The following CHCHD6 variants were observed in gnomAD, a reference collection of about 807,000 sequenced individuals.
CHCHD6 encodes the protein coiled-coil-helix-coiled-coil-helix domain containing 6.
CHCHD6 carries 28 observed loss-of-function variants against 32.3 expected under a neutral mutation model. The ratio of observed to expected loss-of-function variants is 0.87; its 90% confidence interval spans 0.64 to 1.19. CHCHD6 has a LOEUF of 1.19. Ranked by LOEUF, CHCHD6 falls within the 50% of genes most tolerant of loss-of-function variation. The pLI, the probability that CHCHD6 is intolerant of heterozygous loss-of-function variation, is 0.00. For synonymous variants in CHCHD6, 122 were observed against 117.5 expected (o/e 1.04, Z -0.25); for missense variants, 333 against 307.0 (o/e 1.08, Z -0.63).
chr3:126,865,137 ACCACCAC>A (rs1942237038), intron 5 of CHCHD6, among the ~76,000 whole-genome samples: 10 of 53,770 alleles, frequency 1.9e-4, no homozygotes, highest in Non-Finnish European at 2.9e-4. Flanking sequence ...CTCCTCCTCC[ACCACCAC>A]CTCCTTTTCC....
chr3:126,940,118 A>G (rs2078538027), intron 6 of CHCHD6, among the ~76,000 whole-genome samples: 2 of 152,222 alleles, frequency 1.3e-5, no homozygotes, highest in Non-Finnish European at 2.9e-5. Flanking sequence ...CAAAAGGAAA[A>G]AGTTTCGTCT....
chr3:126,870,041 G>C (rs941458432), intron 5 of CHCHD6, among the ~76,000 whole-genome samples: 1 of 152,150 alleles, frequency 6.6e-6, no homozygotes, highest in African/African-American at 2.4e-5. Context: ...GAAAAGCATG[G>C]GCTTTGGGTT....
intron 6 of CHCHD6, among the ~76,000 whole-genome samples, chr3:126,950,691 T>C (rs1342874932): frequency 1.3e-5 from 2 of 152,102 alleles, no homozygotes; most frequent in Non-Finnish European, 2.9e-5. Context: ...CCTCAAGTGA[T>C]CGCCTGCATC....
intron 4 of CHCHD6, among the ~76,000 whole-genome samples, chr3:126,759,660 G>A (rs918247513): frequency 2.6e-5 from 4 of 152,156 alleles, no homozygotes; most frequent in South Asian, 2.1e-4. Flanking sequence ...AGGCGCTACC[G>A]GGTGATTTTT....
At chr3:126,889,012 G>A (rs905691854) in intron 5 of CHCHD6, among the ~76,000 whole-genome samples, 5 of 152,198 alleles carry the variant, frequency 3.3e-5, no homozygotes, top group East Asian at 1.9e-4. Flanking sequence ...TTGGTCCCTC[G>A]TGTGGTGCTA....
chr3:126,760,831 A>G (rs1937134167), intron 4 of CHCHD6, among the ~76,000 whole-genome samples: 1 of 152,082 alleles, frequency 6.6e-6, no homozygotes, highest in African/African-American at 2.4e-5. Flanking sequence ...CCTGCTTTCA[A>G]TTCTTTTTTT....
intron 4 of CHCHD6, among the ~76,000 whole-genome samples, chr3:126,736,891 T>C (rs945431826): frequency 6.6e-6 from 1 of 152,158 alleles, no homozygotes; most frequent in African/African-American, 2.4e-5. Context: ...GGTGGAGTCT[T>C]AAAAATCAAA....
chr3:126,953,031 A>G (rs2078737130), intron 6 of CHCHD6: 3 of 985,464 alleles, frequency 3.0e-6, no homozygotes, highest in African/African-American at 3.5e-5. Flanking sequence ...TCAGGGCCAC[A>G]CTGCGTTACT....
intron 1 of CHCHD6, among the ~76,000 whole-genome samples, chr3:126,708,693 A>G (rs1210132971): frequency 6.6e-6 from 1 of 151,680 alleles, no homozygotes; most frequent in Non-Finnish European, 1.5e-5. Flanking sequence ...ATCATTTTAC[A>G]TATTATAAAA....
intron 4 of CHCHD6, among the ~76,000 whole-genome samples, chr3:126,811,591 A>G (rs1263074761): frequency 6.6e-6 from 1 of 150,614 alleles, no homozygotes; most frequent in South Asian, 2.1e-4. Context: ...GCTGTTTTCT[A>G]TACTTTGAAT....
chr3:126,713,268 CT>C (rs1934846541), intron 1 of CHCHD6, among the ~76,000 whole-genome samples: 1 of 152,194 alleles, frequency 6.6e-6, no homozygotes, highest in Non-Finnish European at 1.5e-5. Flanking sequence ...GCTTGTCTCC[CT>C]TCCACTGTGT....
chr3:126,809,327 G>A (rs969961730), intron 4 of CHCHD6, among the ~76,000 whole-genome samples: 9 of 152,130 alleles, frequency 5.9e-5, no homozygotes, highest in African/African-American at 7.2e-5. Context: ...CCACTGCTTA[G>A]GTTGTGCTTG....
chr3:126,834,619 C>T (rs1342578969), intron 4 of CHCHD6, among the ~76,000 whole-genome samples: 2 of 152,112 alleles, frequency 1.3e-5, no homozygotes, highest in African/African-American at 4.8e-5. Context: ...CTCTATCAGT[C>T]CCTCCTTTCT....
At chr3:126,836,748 A>G (rs772372950) in intron 4 of CHCHD6, among the ~76,000 whole-genome samples, 7 of 152,196 alleles carry the variant, frequency 4.6e-5, no homozygotes, top group Non-Finnish European at 8.8e-5. Flanking sequence ...TGGCTGAGCT[A>G]GGTATGCCTG....
intron 5 of CHCHD6, among the ~76,000 whole-genome samples, chr3:126,881,409 G>T (rs977228438): frequency 4.6e-5 from 7 of 152,212 alleles, no homozygotes; most frequent in Non-Finnish European, 1.5e-5. Flanking sequence ...TGGACATGCT[G>T]AGCGCAGCTT....
chr3:126,884,661 G>A (rs992939779), intron 5 of CHCHD6, among the ~76,000 whole-genome samples: 2 of 152,172 alleles, frequency 1.3e-5, no homozygotes, highest in African/African-American at 4.8e-5. Flanking sequence ...GTGTGGAAAA[G>A]GATGATTAGA....
chr3:126,747,485 A>C (rs1346057086), intron 4 of CHCHD6, among the ~76,000 whole-genome samples: 1 of 152,174 alleles, frequency 6.6e-6, no homozygotes, highest in East Asian at 1.9e-4. Context: ...TATGTACCTA[A>C]ACATTTTCTT....
intron 5 of CHCHD6, among the ~76,000 whole-genome samples, chr3:126,856,538 G>A (rs1375032767): frequency 2.0e-5 from 3 of 152,220 alleles, no homozygotes. Flanking sequence ...TGCACACCTG[G>A]CTCCAGAGCC....
intron 5 of CHCHD6, chr3:126,865,679 C>T: frequency 1.0e-6 from 1 of 985,354 alleles, no homozygotes. Context: ...TCACTGCCCC[C>T]ACTTCCATTA....
Sources: gnomAD v4.1 joint callset for allele counts (sites outside exome capture counted in the v4.1 genomes callset) on GRCh38, gnomAD v4.1.1 for gene constraint, MANE v1.5 for transcripts, NCBI Gene and HGNC (gene_info 2026-07-23, HGNC 2026-07-21) for gene names.